Variants in SCG3 observed in about 807,000 individuals in gnomAD.
SCG3 encodes the protein secretogranin III.
SCG3 carries 38 observed loss-of-function variants against 56.2 expected under a neutral mutation model. That is an observed-to-expected ratio of 0.68 (90% confidence interval 0.52 to 0.89). The LOEUF (loss-of-function observed/expected upper bound fraction) is 0.89. Ranked by LOEUF, SCG3 falls within the 40% of genes least tolerant of loss-of-function variation. The pLI is 0.00. For missense variants in SCG3, 524 were observed against 540.7 expected (o/e 0.97, Z 0.31); for synonymous variants, 176 against 184.2 (o/e 0.96, Z 0.36).
chr15:51,684,954 T>C (rs1305492727), intron 4 of SCG3, among the ~76,000 whole-genome samples: 1 of 152,240 alleles, frequency 6.6e-6, no homozygotes, highest in Non-Finnish European at 1.5e-5. Flanking sequence ...TTTTTCATTT[T>C]TGAGAACCAG....
chr15:51,681,563 C>T lies in SCG3; in HGVS notation c.-193C>T. 3 of 586,060 alleles carry T rather than the reference C, an allele frequency of 5.1e-6. No homozygotes were observed. The highest frequency in any genetic ancestry group is 4.1e-5 in the South Asian group (2 of 49,196). The allele number at this position is 586,060 out of a possible 1,614,324, so 36.3% of individuals were successfully genotyped here. A position where few individuals can be genotyped will look rare whatever the true frequency, so the allele number is the denominator to read the frequency against. On this transcript the variant is annotated 5_prime_UTR_variant, in exon 1 of 12. Coordinates refer to ENST00000220478, the MANE Select transcript of SCG3 (RefSeq NM_013243.4). ...CCCCTCTACCTGGAGACTTGACTCC[C>T]GCGCGCCCCAACCCTGCTTATCCCT...
rs767127024 is a variant in SCG3 at position 51,713,321 on chromosome 15, T to C, written c.1208-12T>C. 7 of 1,568,408 alleles carry C rather than the reference T, an allele frequency of 4.5e-6. No individual in the cohort carries two copies. In the African/African-American group the frequency reaches 8.2e-5, roughly 18 times the overall value. ...TCCTGAGTGTTTGATATAGTTCTCT[T>C]ACCTCTTCCAGGAAAAACAGAAGCC... is the stretch of plus-strand genomic sequence containing the variant. On this transcript the variant is annotated splice_polypyrimidine_tract_variant and intron_variant, in intron 10 of 11. Transcript: ENST00000220478.
At chr15:51,687,057 T>A (rs2055233864) in intron 4 of SCG3, among the ~76,000 whole-genome samples, 1 of 152,242 alleles carries the variant, frequency 6.6e-6, no homozygotes, top group Non-Finnish European at 1.5e-5. Flanking sequence ...GAGGATTGTC[T>A]GGGCAGAATC....
intron 10 of SCG3, among the ~76,000 whole-genome samples, chr15:51,711,352 C>T (rs1297586620): frequency 1.3e-5 from 2 of 152,214 alleles, no homozygotes; most frequent in African/African-American, 4.8e-5. Flanking sequence ...GCTCTAACAT[C>T]ATGATACGAT....
At chr15:51,704,147 G>T (rs141503376) in intron 10 of SCG3, among the ~76,000 whole-genome samples, 1,594 of 150,258 alleles carry the variant, frequency 0.011, 30 homozygotes, top group African/African-American at 0.037. Flanking sequence ...GACCAATCAG[G>T]CTGCTTTGAC....
At chr15:51,698,247 G>T (rs1186967808) in intron 8 of SCG3, among the ~76,000 whole-genome samples, 1 of 152,152 alleles carries the variant, frequency 6.6e-6, no homozygotes, top group Non-Finnish European at 1.5e-5. Flanking sequence ...TGGCAGAAAA[G>T]GCTCGTCCTA....
At chr15:51,691,913 C>G (rs2055269200) in intron 6 of SCG3, among the ~76,000 whole-genome samples, 1 of 148,604 alleles carries the variant, frequency 6.7e-6, no homozygotes, top group African/African-American at 2.6e-5. Flanking sequence ...CCGTTTTTCC[C>G]CTGAGCAGGA....
intron 8 of SCG3, among the ~76,000 whole-genome samples, chr15:51,696,590 A>G (rs536035406): frequency 2.0e-5 from 3 of 152,306 alleles, no homozygotes; most frequent in African/African-American, 4.8e-5. Flanking sequence ...AAAAGGAAAG[A>G]AAAGAGGTTT....
At chr15:51,705,312 G>A (rs1366885336) in intron 10 of SCG3, among the ~76,000 whole-genome samples, 1 of 152,086 alleles carries the variant, frequency 6.6e-6, no homozygotes, top group Non-Finnish European at 1.5e-5. Context: ...AATGGGTGCT[G>A]ACATTTCTGT....
Position 51,682,518 on chromosome 15 carries a change from C to A in SCG3, c.84C>A (p.Asp28Glu). 7.0e-7 allele frequency: 1 copy of A among 1,435,980 alleles called. No individual in the cohort carries two copies. Among genetic ancestry groups the A allele is most frequent in the Non-Finnish European group, 9.4e-7 (1 of 1,063,536 alleles). 89.0% of individuals were successfully genotyped at this position (1,435,980 alleles called of 1,614,324 possible). A position where few individuals can be genotyped will look rare whatever the true frequency, so the allele number is the denominator to read the frequency against. Reference protein sequence around the residue: ...QAFPKPGGSQDKSLHNRELSA... With the variant: ...QAFPKPGGSQEKSLHNRELSA... ...TATATTCACATGTGTTTATTCTAGA[C>A]AAATCTCTACATAATAGAGAATTAA... Residue 28 changes from aspartate to glutamate, a missense_variant and splice_region_variant, in exon 2 of 12, where the codon GAC becomes GAA. Asp to Glu is a conservative substitution (Grantham distance 45). Transcript: ENST00000220478.
Position 51,701,137 on chromosome 15 carries a change from A to G in SCG3, c.1100A>G (p.Asp367Gly). 6.2e-7 allele frequency: 1 copy of G among 1,614,048 alleles called. No homozygotes were observed. The highest frequency in any genetic ancestry group is 8.5e-7 in the Non-Finnish European group (1 of 1,179,992). Reference sequence around the variant, plus strand: ...TCAGAGAAGAGTCATGAAGAAACAGACAGTACCAAGGAAGAAGCAGCTAAG... The same window carrying G: ...TCAGAGAAGAGTCATGAAGAAACAGGCAGTACCAAGGAAGAAGCAGCTAAG... ...APSEKSHEET[D>G]STKEEAAKME... The change falls in exon 10 of 12, where the codon GAC becomes GGC. Residue 367 changes from aspartate to glycine, a missense_variant. Transcript: ENST00000220478.
intron 4 of SCG3, among the ~76,000 whole-genome samples, chr15:51,686,175 G>A (rs1369543968): frequency 6.6e-6 from 1 of 152,182 alleles, no homozygotes; most frequent in Admixed American, 6.5e-5. Flanking sequence ...TATACATGGA[G>A]GGTGAAATAC....
At chr15:51,683,479 T>C (rs187046042) in intron 4 of SCG3, 45 bp downstream of exon 4, 45 of 1,237,718 alleles carry the variant, frequency 3.6e-5, no homozygotes, top group East Asian at 9.3e-5. Context: ...GAGTTTCCTA[T>C]AATGGGTTAA....
chr15:51,695,855 T>G lies in SCG3; in HGVS notation c.869-20T>G, dbSNP rs2055299982. The G allele has an allele frequency of 7.6e-7, 1 of 1,319,006 alleles. No individual in the cohort carries two copies. Among genetic ancestry groups the G allele is most frequent in the Non-Finnish European group, 1.1e-6 (1 of 917,612 alleles). The allele number at this position is 1,319,006 out of a possible 1,614,324, so 81.7% of individuals were successfully genotyped here. A position where few individuals can be genotyped will look rare whatever the true frequency, so the allele number is the denominator to read the frequency against. ...GAAGCTATCCCCCACAGTTTTAAGT[T>G]ATTTTGTTCTTTCATATAGAAAAAG... is the stretch of plus-strand genomic sequence containing the variant. On this transcript the variant is annotated intron_variant, in intron 7 of 11. Transcript: ENST00000220478.
Position 51,689,483 on chromosome 15 carries a change from G to T in SCG3, c.690+115G>T, listed in dbSNP as rs967372596. Reference sequence around the variant, plus strand: ...TACTTGATACCAAAGAAGATTTGAGGTATGTGGCATTTTTAGCCCATTTAT... The same window carrying T: ...TACTTGATACCAAAGAAGATTTGAGTTATGTGGCATTTTTAGCCCATTTAT... On this transcript the variant is annotated intron_variant, in intron 6 of 11. Transcript: ENST00000220478. 5.8e-5 allele frequency: 76 copies of T among 1,319,592 alleles called. No individual in the cohort carries two copies. In the South Asian group the frequency reaches 6.5e-4, roughly 11 times the overall value. The allele number at this position is 1,319,592 out of a possible 1,614,324, so 81.7% of individuals were successfully genotyped here.
At chr15:51,715,146 T>G (rs1367461871) in intron 11 of SCG3, 1 of 152,242 alleles carries the variant, frequency 6.6e-6, no homozygotes, top group Non-Finnish European at 1.5e-5. Context: ...TGCAATTCAA[T>G]GTTCCCATTC....
At chr15:51,692,028 C>T (rs1403851141) in intron 6 of SCG3, 131 bp from the exon 7 acceptor site, 11 of 796,906 alleles carry the variant, frequency 1.4e-5, no homozygotes, top group South Asian at 2.0e-5. Flanking sequence ...GGGTTTGAAC[C>T]TGCAGGAGCT....
At position 51,682,939 on chromosome 15, in the gene SCG3, C is replaced by G. The variant is rs967458969; in HGVS notation, c.136-140C>G. Reference sequence around the variant, plus strand: ...ATTTTATCTCATTTAATTATTATAACAGTGCTCTGAAATAGGAATTATCCA... The same window carrying G: ...ATTTTATCTCATTTAATTATTATAAGAGTGCTCTGAAATAGGAATTATCCA... On this transcript the variant is annotated intron_variant, in intron 2 of 11. Coordinates refer to ENST00000220478, the MANE Select transcript of SCG3 (RefSeq NM_013243.4). The G allele has an allele frequency of 6.2e-6, 4 of 641,752 alleles. No homozygotes were observed. In the Admixed American group the frequency reaches 1.3e-4, roughly 21 times the overall value. The allele number at this position is 641,752 out of a possible 1,614,324, so 39.8% of individuals were successfully genotyped here. A position where few individuals can be genotyped will look rare whatever the true frequency, so the allele number is the denominator to read the frequency against.
At position 51,688,259 on chromosome 15, in the gene SCG3, G is replaced by T. The variant is rs1403149170; in HGVS notation, c.398-1G>T. The T allele has an allele frequency of 6.2e-7, 1 of 1,612,904 alleles. No individual in the cohort carries two copies. Among genetic ancestry groups the T allele is most frequent in the Non-Finnish European group, 8.5e-7 (1 of 1,179,112 alleles). ...TGTGAAGTTGTGGTCGTTCTGTCTA[G>T]ATGATCCAGATGGTCTTCATCAACT... is the stretch of plus-strand genomic sequence containing the variant. On this transcript the variant is annotated splice_acceptor_variant, in intron 4 of 11. Coordinates refer to ENST00000220478, the MANE Select transcript of SCG3 (RefSeq NM_013243.4). LOFTEE classifies it high-confidence loss of function.
Sources: allele counts gnomAD v4.1 joint callset (sites outside exome capture counted in the v4.1 genomes callset), GRCh38; gene constraint gnomAD v4.1.1; transcripts MANE v1.5; gene names NCBI Gene and HGNC (gene_info 2026-07-23, HGNC 2026-07-21).